The following NCKAP5 variants were observed in gnomAD, a reference collection of about 807,000 sequenced individuals.
The protein encoded by NCKAP5 is nck-associated protein 5.
In NCKAP5, 92 loss-of-function variants were observed where a neutral mutation model predicts 167.0. The ratio of observed to expected loss-of-function variants is 0.55; its 90% confidence interval spans 0.47 to 0.66. The LOEUF (loss-of-function observed/expected upper bound fraction) is 0.66. Ranked by LOEUF, NCKAP5 falls within the 30% of genes least tolerant of loss-of-function variation. The pLI is 0.00. For missense variants in NCKAP5, 2,378 were observed against 2,315.0 expected (o/e 1.03, Z -0.56); for synonymous variants, 891 against 877.4 (o/e 1.02, Z -0.27).
chr2:133,008,332 T>C (rs1036866440), intron 6 of NCKAP5, among the ~76,000 whole-genome samples: 4 of 152,194 alleles, frequency 2.6e-5, no homozygotes, highest in Non-Finnish European at 5.9e-5. Context: ...CTCTGAATTG[T>C]CCACATATGC....
At chr2:133,528,174 T>C (rs2104811802) in intron 2 of NCKAP5, among the ~76,000 whole-genome samples, 1 of 152,284 alleles carries the variant, frequency 6.6e-6, no homozygotes, top group African/African-American at 2.4e-5. Context: ...TATGTGTGTA[T>C]ACAGACATAT....
chr2:132,849,125 G>A (rs965607623), intron 11 of NCKAP5, among the ~76,000 whole-genome samples: 4 of 151,262 alleles, frequency 2.6e-5, no homozygotes, highest in African/African-American at 9.8e-5. Flanking sequence ...TTAATAGACA[G>A]GCTTCGCAGG....
At chr2:133,558,416 C>T (rs1017263460) in intron 2 of NCKAP5, among the ~76,000 whole-genome samples, 11 of 151,242 alleles carry the variant, frequency 7.3e-5, no homozygotes, top group African/African-American at 2.4e-4. Context: ...GAGGGAAGAA[C>T]GAAGACAGAA....
chr2:132,994,842 A>T (rs2077547636), intron 6 of NCKAP5, among the ~76,000 whole-genome samples: 1 of 152,218 alleles, frequency 6.6e-6, no homozygotes, highest in Non-Finnish European at 1.5e-5. Flanking sequence ...CTACTACACA[A>T]CTAGGCTATA....
In NCKAP5 at chr2:132,702,052, A is replaced by G. The variant is rs370212922; in HGVS notation, c.5713+23575T>C. Among the ~76,000 whole-genome samples, 31 of 152,310 alleles carry G rather than the reference A, an allele frequency of 2.0e-4. No individual in the cohort carries two copies. In the East Asian group the frequency reaches 5.6e-3, roughly 28 times the overall value. On this transcript the variant is annotated intron_variant, in intron 19 of 19. Transcript: ENST00000409261. ...GGCAAATGGTCTCACATGGTCTCCA[A>G]TTAAGTGAACCACATAGAATTTAAA...
rs148927269 is a variant in NCKAP5 at position 133,397,604 on chromosome 2, C to T, written c.70-94494G>A. Among the ~76,000 whole-genome samples, 845 of 152,176 alleles carry T rather than the reference C, an allele frequency of 5.6e-3. 12 individuals carry two copies. The highest frequency in any genetic ancestry group is 0.019 in the African/African-American group (780 of 41,530). Reference sequence around the variant, plus strand: ...GCAGAAAAGACACAGATGTGTTTTGCGGATTAAGCAATAAAGTGCTCTGGG... The same window carrying T: ...GCAGAAAAGACACAGATGTGTTTTGTGGATTAAGCAATAAAGTGCTCTGGG... On this transcript the variant is annotated intron_variant, in intron 3 of 19. Coordinates refer to ENST00000409261, the MANE Select transcript of NCKAP5 (RefSeq NM_207363.3).
intron 3 of NCKAP5, among the ~76,000 whole-genome samples, chr2:133,454,520 C>T (rs1158932279): frequency 6.6e-6 from 1 of 152,010 alleles, no homozygotes; most frequent in Non-Finnish European, 1.5e-5. Context: ...CATCATAGAT[C>T]AAACAACAGA....
chr2:132,996,521 TAAG>T (rs2077604812), intron 6 of NCKAP5, among the ~76,000 whole-genome samples: 3 of 152,170 alleles, frequency 2.0e-5, no homozygotes, highest in African/African-American at 7.2e-5. Context: ...TTTCACTTCC[TAAG>T]ATAACTCCTC....
At chr2:133,272,877 A>G (rs760372475) in intron 4 of NCKAP5, among the ~76,000 whole-genome samples, 18 of 152,122 alleles carry the variant, frequency 1.2e-4, no homozygotes, top group Non-Finnish European at 2.2e-4. Flanking sequence ...TGTAGCACGT[A>G]TTGGTGCTTC....
intron 6 of NCKAP5, among the ~76,000 whole-genome samples, chr2:133,074,894 AAAAG>A (rs1443024321): frequency 1.3e-5 from 2 of 152,202 alleles, no homozygotes; most frequent in Admixed American, 6.5e-5. Flanking sequence ...ACAGAAAATG[AAAAG>A]AAAGAGATTG....
intron 19 of NCKAP5, among the ~76,000 whole-genome samples, chr2:132,712,110 T>G (rs1028497995): frequency 2.0e-5 from 3 of 152,126 alleles, no homozygotes; most frequent in Admixed American, 1.3e-4. Context: ...TGGTACCACA[T>G]TTGTATTATC....
chr2:132,768,063 C>T (rs1681676189), intron 16 of NCKAP5, among the ~76,000 whole-genome samples: 1 of 152,216 alleles, frequency 6.6e-6, no homozygotes, highest in Non-Finnish European at 1.5e-5. Context: ...GTAATTAGCT[C>T]TCATTGAACC....
chr2:133,263,094 G>T (rs528839483), intron 4 of NCKAP5, among the ~76,000 whole-genome samples: 1 of 151,986 alleles, frequency 6.6e-6, no homozygotes, highest in Non-Finnish European at 1.5e-5. Context: ...GGGCTCACCC[G>T]CCCCACTATG....
intron 3 of NCKAP5, among the ~76,000 whole-genome samples, chr2:133,348,381 A>T (rs1380480708): frequency 6.6e-6 from 1 of 152,216 alleles, no homozygotes; most frequent in Non-Finnish European, 1.5e-5. Context: ...AGTAGAGTTT[A>T]GAAATCATTC....
chr2:133,157,177 T>C (rs966398864), intron 5 of NCKAP5, among the ~76,000 whole-genome samples: 2 of 152,254 alleles, frequency 1.3e-5, no homozygotes, highest in Admixed American at 6.5e-5. Flanking sequence ...TTTATTGCTT[T>C]TGAATGTAAG....
chr2:132,710,214 A>C (rs528741098), intron 19 of NCKAP5, among the ~76,000 whole-genome samples: 1 of 152,306 alleles, frequency 6.6e-6, no homozygotes, highest in East Asian at 1.9e-4. Context: ...GGAGGCTTAA[A>C]GACAACTTCC....
At chr2:132,901,610 T>C (rs764343525) in intron 8 of NCKAP5, among the ~76,000 whole-genome samples, 15 of 152,174 alleles carry the variant, frequency 9.9e-5, no homozygotes, top group Non-Finnish European at 2.2e-4. Flanking sequence ...TAAAATAAGA[T>C]TGTGTCAACA....
intron 1 of NCKAP5, among the ~76,000 whole-genome samples, chr2:133,567,686 T>TGTGTGTGTGTGC (rs1159333177): frequency 3.3e-5 from 5 of 151,756 alleles, no homozygotes; most frequent in African/African-American, 1.2e-4. Flanking sequence ...TGTGTGTGTG[T>TGTGTGTGTGTGC]GTGTGTGTGT....
chr2:132,960,917 A>T (rs1282377163), intron 8 of NCKAP5, among the ~76,000 whole-genome samples: 1 of 152,166 alleles, frequency 6.6e-6, no homozygotes, highest in Non-Finnish European at 1.5e-5. Flanking sequence ...TAGGGCATAC[A>T]AATATGGTCA....
Sources: allele counts gnomAD v4.1 joint callset (sites outside exome capture counted in the v4.1 genomes callset), GRCh38; gene constraint gnomAD v4.1.1; transcripts MANE v1.5; gene names NCBI Gene and HGNC (gene_info 2026-07-23, HGNC 2026-07-21).